The following RBFOX1 variants were observed in gnomAD, a reference collection of about 807,000 sequenced individuals.
RBFOX1 encodes RNA binding fox-1 homolog 1, also known as RNA binding protein fox-1 homolog 1.
In RBFOX1, 8 loss-of-function variants were observed where a neutral mutation model predicts 57.7. The ratio of observed to expected loss-of-function variants is 0.14; its 90% confidence interval spans 0.08 to 0.25. The LOEUF is 0.25. RBFOX1 is among the 10% of genes least tolerant of loss of function. RBFOX1 has a pLI of 1.00. For synonymous variants in RBFOX1, 326 were observed against 222.4 expected, an observed-to-expected ratio of 1.47 and a Z score of -4.15; for missense variants, 611 against 548.5, an observed-to-expected ratio of 1.11 and a Z score of -1.14.
intron 1 of RBFOX1, among the ~76,000 whole-genome samples, chr16:5,449,291 A>C (rs555225994): frequency 6.6e-6 from 1 of 152,092 alleles, no homozygotes; most frequent in African/African-American, 2.4e-5. Context: ...AATGACGCCT[A>C]CTTATCTGAG....
intron 3 of RBFOX1, among the ~76,000 whole-genome samples, chr16:5,744,675 A>G (rs2052905651): frequency 1.3e-5 from 2 of 152,236 alleles, no homozygotes; most frequent in Non-Finnish European, 2.9e-5. Context: ...TAAATGAAAT[A>G]AAAGGCTTTT....
chr16:7,585,218 T>G (rs2094036401), intron 6 of RBFOX1, among the ~76,000 whole-genome samples: 1 of 152,154 alleles, frequency 6.6e-6, no homozygotes, highest in Middle Eastern at 3.4e-3. Context: ...AAACTGGAGG[T>G]TTCTTTACTA....
intron 4 of RBFOX1, among the ~76,000 whole-genome samples, chr16:7,471,978 TC>T (rs574942433): frequency 8.7e-4 from 132 of 152,278 alleles, no homozygotes; most frequent in South Asian, 1.9e-3. Context: ...TGGGACTGGA[TC>T]TTTCACAGAG....
chr16:7,335,235 C>G (rs1021060213), intron 4 of RBFOX1, among the ~76,000 whole-genome samples: 1 of 152,310 alleles, frequency 6.6e-6, no homozygotes, highest in South Asian at 2.1e-4. Context: ...TCCACTTGCT[C>G]ACTAGTTTCT....
chr16:5,700,648 A>T (rs189876594), intron 3 of RBFOX1, among the ~76,000 whole-genome samples: 2 of 152,190 alleles, frequency 1.3e-5, no homozygotes, highest in Non-Finnish European at 2.9e-5. Flanking sequence ...CTCCATAATG[A>T]TGTCTTCAAT....
intron 3 of RBFOX1, among the ~76,000 whole-genome samples, chr16:6,855,294 G>T (rs1021809043): frequency 6.6e-6 from 1 of 152,080 alleles, no homozygotes; most frequent in Admixed American, 6.6e-5. Context: ...CTAGTATACA[G>T]GTCTGAGATA....
intron 11 of RBFOX1, among the ~76,000 whole-genome samples, chr16:7,637,659 G>A (rs570372974): frequency 6.6e-6 from 1 of 152,144 alleles, no homozygotes; most frequent in African/African-American, 2.4e-5. Flanking sequence ...AGGTCATTTT[G>A]TTACTGACAC....
chr16:5,253,909 G>A (rs923833471), intron 1 of RBFOX1, among the ~76,000 whole-genome samples: 1 of 152,080 alleles, frequency 6.6e-6, no homozygotes, highest in Non-Finnish European at 1.5e-5. Flanking sequence ...ACATCCTCAG[G>A]GAAGCCTGGC....
At chr16:7,196,240 A>G (rs2086663164) in intron 4 of RBFOX1, among the ~76,000 whole-genome samples, 1 of 152,158 alleles carries the variant, frequency 6.6e-6, no homozygotes, top group Non-Finnish European at 1.5e-5. Context: ...CAGTTTATTT[A>G]GTGCTTGTGT....
chr16:5,979,029 C>G (rs1352424048), intron 4 of RBFOX1, among the ~76,000 whole-genome samples: 2 of 152,192 alleles, frequency 1.3e-5, no homozygotes, highest in African/African-American at 2.4e-5. Context: ...CTCTCGCCTT[C>G]TCCTCCATTT....
chr16:7,020,778 C>T (rs2038771961), intron 3 of RBFOX1, among the ~76,000 whole-genome samples: 1 of 152,118 alleles, frequency 6.6e-6, no homozygotes. Flanking sequence ...TTCCCACCCA[C>T]ATCCTTAATG....
chr16:5,865,381 T>C (rs1283631948), intron 3 of RBFOX1, among the ~76,000 whole-genome samples: 3 of 152,154 alleles, frequency 2.0e-5, no homozygotes, highest in African/African-American at 7.2e-5. Context: ...TTCCAAACTC[T>C]GACATCCATC....
chr16:7,151,300 G>T (rs957893138), intron 4 of RBFOX1, among the ~76,000 whole-genome samples: 2 of 152,172 alleles, frequency 1.3e-5, no homozygotes, highest in African/African-American at 4.8e-5. Flanking sequence ...ACAGTCAACA[G>T]AAACCAAATT....
chr16:6,865,039 G>C (rs1353080931), intron 3 of RBFOX1, among the ~76,000 whole-genome samples: 1 of 69,656 alleles, frequency 1.4e-5, no homozygotes, highest in Non-Finnish European at 2.5e-5. Context: ...TTTTGCTCTT[G>C]TCACCCAGGC....
At chr16:5,437,802 C>A (rs759105455) in intron 1 of RBFOX1, among the ~76,000 whole-genome samples, 58 of 152,092 alleles carry the variant, frequency 3.8e-4, no homozygotes, top group Non-Finnish European at 1.0e-4. Context: ...TTTTTCACAT[C>A]TTCTTTAATG....
intron 3 of RBFOX1, among the ~76,000 whole-genome samples, chr16:6,999,442 A>G (rs2092595710): frequency 6.6e-6 from 1 of 150,686 alleles, no homozygotes; most frequent in African/African-American, 2.4e-5. Context: ...TTTAATTTTT[A>G]TTTTTTATTT....
intron 3 of RBFOX1, among the ~76,000 whole-genome samples, chr16:5,853,585 A>G (rs911544105): frequency 6.6e-6 from 1 of 152,196 alleles, no homozygotes; most frequent in Non-Finnish European, 1.5e-5. Context: ...TGTGGCAACA[A>G]GCATCCTTTC....
chr16:5,895,264 C>T (rs910341805), intron 4 of RBFOX1, among the ~76,000 whole-genome samples: 1 of 152,142 alleles, frequency 6.6e-6, no homozygotes, highest in Middle Eastern at 3.2e-3. Context: ...ATAATGTGGT[C>T]CAGATGCCTG....
chr16:5,922,803 C>T (rs1032440130), intron 4 of RBFOX1, among the ~76,000 whole-genome samples: 1 of 152,222 alleles, frequency 6.6e-6, no homozygotes, highest in Non-Finnish European at 1.5e-5. Flanking sequence ...CTAACGCTCT[C>T]CATTCTGCAT....
Sources: allele counts gnomAD v4.1 joint callset (sites outside exome capture counted in the v4.1 genomes callset), GRCh38; gene constraint gnomAD v4.1.1; transcripts MANE v1.5; gene names NCBI Gene and HGNC (gene_info 2026-07-23, HGNC 2026-07-21).